Variants in RBM47 observed in about 807,000 individuals in gnomAD.
RBM47 encodes RNA binding motif protein 47.
In RBM47, 21 loss-of-function variants were observed where a neutral mutation model predicts 47.1. The ratio of observed to expected loss-of-function variants is 0.45; its 90% CI spans 0.32 to 0.64. RBM47 has a LOEUF of 0.64. RBM47 is among the 30% of genes least tolerant of loss of function. The pLI is 0.05. For synonymous variants in RBM47, 375 were observed against 361.7 expected (o/e 1.04, Z -0.42); for missense variants, 708 against 870.9 (o/e 0.81, Z 2.35).
rs114581092 is a variant in RBM47, at chr4:40,529,320, C to T, written c.-155+15102G>A. Reference sequence around the variant, plus strand: ...GTCAGGAGTTTGAGACCAGATGGGCCAACCATGGCCAACATGGTGAAACCC... The same window carrying T: ...GTCAGGAGTTTGAGACCAGATGGGCTAACCATGGCCAACATGGTGAAACCC... On this transcript the variant is annotated intron_variant, in intron 2 of 6. Coordinates refer to ENST00000295971, the MANE Select transcript of RBM47 (RefSeq NM_001098634.2). Among the ~76,000 whole-genome samples, 1,290 of 151,490 alleles carry T rather than the reference C, an allele frequency of 8.5e-3. 19 individuals are homozygous for T. The highest frequency in any genetic ancestry group is 0.028 in the African/African-American group (1,170 of 41,320).
At chr4:40,534,519 T>C (rs1727728033) in intron 2 of RBM47, among the ~76,000 whole-genome samples, 1 of 152,062 alleles carries the variant, frequency 6.6e-6, no homozygotes, top group Admixed American at 6.6e-5. Flanking sequence ...TGATTTTCAA[T>C]GCATCCTTTG....
At chr4:40,577,790 A>G (rs1174841317) in intron 1 of RBM47, among the ~76,000 whole-genome samples, 1 of 152,116 alleles carries the variant, frequency 6.6e-6, no homozygotes, top group African/African-American at 2.4e-5. Flanking sequence ...ATATCTCAAG[A>G]TTAGATAAAT....
chr4:40,540,514 C>T (rs1292810772), intron 2 of RBM47, among the ~76,000 whole-genome samples: 7 of 151,540 alleles, frequency 4.6e-5, no homozygotes, highest in African/African-American at 1.7e-4. Context: ...TGGCGCATGC[C>T]TGTAATCCCA....
chr4:40,611,119 A>G (rs1396570584), intron 1 of RBM47, among the ~76,000 whole-genome samples: 1 of 152,184 alleles, frequency 6.6e-6, no homozygotes, highest in Non-Finnish European at 1.5e-5. Context: ...AACTGATGCT[A>G]CCGATTCCTA....
chr4:40,623,075 T>C (rs1737414687), intron 1 of RBM47, among the ~76,000 whole-genome samples: 1 of 152,128 alleles, frequency 6.6e-6, no homozygotes, highest in South Asian at 2.1e-4. Context: ...AACATGGGTG[T>C]TACCATTTAA....
chr4:40,489,224 A>G (rs766250999), intron 2 of RBM47, among the ~76,000 whole-genome samples: 4 of 152,230 alleles, frequency 2.6e-5, no homozygotes, highest in Non-Finnish European at 4.4e-5. Flanking sequence ...GAATGGAGAT[A>G]ACAGTTAAAA....
chr4:40,564,140 C>T (rs961577818), intron 1 of RBM47, among the ~76,000 whole-genome samples: 1 of 152,220 alleles, frequency 6.6e-6, no homozygotes, highest in Non-Finnish European at 1.5e-5. Context: ...AGTCTAGCTT[C>T]CCATATTGCA....
chr4:40,577,396 G>A (rs1348753382), intron 1 of RBM47, among the ~76,000 whole-genome samples: 2 of 152,078 alleles, frequency 1.3e-5, no homozygotes, highest in Non-Finnish European at 2.9e-5. Context: ...CTTGTTTGCC[G>A]ACTAAACAAG....
At chr4:40,621,990 A>G (rs1737307252) in intron 1 of RBM47, among the ~76,000 whole-genome samples, 2 of 152,236 alleles carry the variant, frequency 1.3e-5, no homozygotes, top group Admixed American at 1.3e-4. Flanking sequence ...GCTCATTCAG[A>G]AAGGTATGTT....
chr4:40,538,964 C>T (rs995347942), intron 2 of RBM47, among the ~76,000 whole-genome samples: 10 of 152,246 alleles, frequency 6.6e-5, no homozygotes, highest in South Asian at 2.1e-4. Context: ...TGTTTAAATG[C>T]TCATTCTTAA....
intron 2 of RBM47, among the ~76,000 whole-genome samples, chr4:40,521,336 G>A (rs991134223): frequency 6.6e-6 from 1 of 151,988 alleles, no homozygotes; most frequent in African/African-American, 2.4e-5. Flanking sequence ...AAGTAGCTGG[G>A]ATTACAGGCA....
At position 40,586,691 on chromosome 4, in the gene RBM47, G is replaced by A. The variant is rs575776309; in HGVS notation, c.-239-42185C>T. ...GCAGGGGCAATGGTAATTGATGAGC[G>A]CTGGCCAACGAGAAGGTGGACCTTG... On this transcript the variant is annotated intron_variant, in intron 1 of 6. Coordinates refer to ENST00000295971, the MANE Select transcript of RBM47 (RefSeq NM_001098634.2). Among the ~76,000 whole-genome samples, 40 of 151,344 alleles carry A rather than the reference G, an allele frequency of 2.6e-4. No individual in the cohort carries two copies. The South Asian group carries it at 5.9e-3, about 22-fold the overall frequency.
At chr4:40,481,717 A>G (rs181883939) in intron 2 of RBM47, among the ~76,000 whole-genome samples, 1 of 152,092 alleles carries the variant, frequency 6.6e-6, no homozygotes, top group Non-Finnish European at 1.5e-5. Flanking sequence ...ATGCCCAGCT[A>G]ATTTTTATAT....
chr4:40,593,109 C>T (rs1300648182), intron 1 of RBM47, among the ~76,000 whole-genome samples: 1 of 146,358 alleles, frequency 6.8e-6, no homozygotes, highest in Non-Finnish European at 1.5e-5. Context: ...ATTCTCCTGC[C>T]TCAGCCTCCC....
At position 40,460,177 on chromosome 4, in the gene RBM47, T is replaced by A. The variant is rs16851449; in HGVS notation, c.-32+6400A>T. 9.4e-3 allele frequency among the ~76,000 whole-genome samples: 1,422 copies of A among 151,414 alleles called. 31 individuals carry two copies. Among genetic ancestry groups the A allele is most frequent in the African/African-American group, 0.033 (1,367 of 41,276 alleles). ...TATCCCTTGAGCCGTCTTGGTAAAG[T>A]AGGTACTGGCCAGGGAGCTATAAAA... On this transcript the variant is annotated intron_variant, in intron 3 of 6. Transcript: ENST00000295971.
At chr4:40,496,445 G>T (rs1722604744) in intron 2 of RBM47, among the ~76,000 whole-genome samples, 1 of 152,074 alleles carries the variant, frequency 6.6e-6, no homozygotes, top group East Asian at 1.9e-4. Context: ...ACCCCAGCCA[G>T]GTGAGTCTAA....
chr4:40,495,975 T>C (rs28507218), intron 2 of RBM47, among the ~76,000 whole-genome samples: 1 of 152,220 alleles, frequency 6.6e-6, no homozygotes, highest in Non-Finnish European at 1.5e-5. Flanking sequence ...ATCTCTTGTC[T>C]GTGCCTAATG....
At chr4:40,456,637 C>T (rs1716309799) in intron 3 of RBM47, among the ~76,000 whole-genome samples, 1 of 139,836 alleles carries the variant, frequency 7.2e-6, no homozygotes, top group African/African-American at 2.7e-5. Context: ...ATGATCACGG[C>T]TCACTGCAGC....
chr4:40,524,063 C>T (rs1490985806), intron 2 of RBM47, among the ~76,000 whole-genome samples: 1 of 152,110 alleles, frequency 6.6e-6, no homozygotes, highest in African/African-American at 2.4e-5. Flanking sequence ...ATTGAGTGCC[C>T]TGTATCTTAT....
Sources: allele counts gnomAD v4.1 joint callset (sites outside exome capture counted in the v4.1 genomes callset), GRCh38; gene constraint gnomAD v4.1.1; transcripts MANE v1.5; gene names NCBI Gene and HGNC (gene_info 2026-07-23, HGNC 2026-07-21).